Variants in ASTN2 observed in about 807,000 individuals in gnomAD.
ASTN2 encodes astrotactin 2.
A neutral mutation model predicts 139.8 loss-of-function variants in ASTN2; 54 were observed. The ratio of observed to expected loss-of-function variants is 0.39; its 90% CI spans 0.31 to 0.48. The LOEUF (loss-of-function observed/expected upper bound fraction) is 0.48, where lower values mean the gene tolerates loss of function less well. ASTN2 is among the 20% of genes least tolerant of loss of function. The pLI, the probability that ASTN2 is intolerant of heterozygous loss-of-function variation, is 0.95. For synonymous variants in ASTN2, 756 were observed against 719.5 expected (o/e 1.05, Z -0.81); for missense variants, 1,565 against 1,725.1 (o/e 0.91, Z 1.64).
intron 5 of ASTN2, 30 bp downstream of exon 5, chr9:117,096,014 G>C: frequency 6.3e-7 from 1 of 1,590,716 alleles, no homozygotes; most frequent in Non-Finnish European, 8.6e-7. Context: ...TACAAACTCT[G>C]GTTCTGGAAC....
At chr9:116,616,270 G>C (rs578092215) in intron 19 of ASTN2, among the ~76,000 whole-genome samples, 10 of 152,218 alleles carry the variant, frequency 6.6e-5, no homozygotes, top group African/African-American at 9.6e-5. Context: ...TTCCAATGCT[G>C]AAATTTTTCT....
At position 116,423,437 on chromosome 9, in the gene ASTN2, C is replaced by T. The variant is rs554658360; in HGVS notation, c.*2414G>A. Reference sequence around the variant, plus strand: ...AAACTTAATCAGGCTCAGATCACCACACCAGCACATTGAGTGCTGTAATTT... The same window carrying T: ...AAACTTAATCAGGCTCAGATCACCATACCAGCACATTGAGTGCTGTAATTT... On this transcript the variant is annotated 3_prime_UTR_variant, in exon 23 of 23. Transcript: ENST00000313400. 6.6e-6 allele frequency among the ~76,000 whole-genome samples: 1 copy of T among 152,268 alleles called. No homozygotes were observed. The highest frequency in any genetic ancestry group is 1.9e-4 in the East Asian group (1 of 5,166).
At chr9:116,544,358 A>G (rs1228293071) in intron 19 of ASTN2, among the ~76,000 whole-genome samples, 1 of 152,086 alleles carries the variant, frequency 6.6e-6, no homozygotes, top group Non-Finnish European at 1.5e-5. Context: ...CCTCCATTCC[A>G]CCTCACCAAA....
chr9:116,442,689 G>A lies in ASTN2; in HGVS notation c.3498-136C>T. ...TTAAAAAAAGAATGATACTTATAAA[G>A]CATTTATTGAGCACTAACTGCCTAC... is the stretch of plus-strand genomic sequence containing the variant. On this transcript the variant is annotated intron_variant, in intron 20 of 22. Transcript: ENST00000313400. 4 of 718,098 alleles carry A rather than the reference G, an allele frequency of 5.6e-6. No homozygotes were observed. The East Asian group carries it at 8.1e-5, about 15-fold the overall frequency. 44.5% of individuals were successfully genotyped at this position (718,098 alleles called of 1,614,324 possible).
intron 11 of ASTN2, among the ~76,000 whole-genome samples, chr9:116,862,342 C>T (rs1564310753): frequency 6.6e-6 from 1 of 152,070 alleles, no homozygotes; most frequent in East Asian, 1.9e-4. Flanking sequence ...TGAGCCGAAT[C>T]AACAGATTCC....
intron 7 of ASTN2, among the ~76,000 whole-genome samples, chr9:117,000,708 C>T (rs1837169828): frequency 6.6e-6 from 1 of 152,134 alleles, no homozygotes; most frequent in African/African-American, 2.4e-5. Flanking sequence ...TTCAAGCCTC[C>T]ACTAGCCACT....
intron 1 of ASTN2, among the ~76,000 whole-genome samples, chr9:117,336,671 C>T (rs778061467): frequency 6.6e-6 from 1 of 152,218 alleles, no homozygotes; most frequent in Non-Finnish European, 1.5e-5. Context: ...TTTTCTGCCA[C>T]ATTCCTGACC....
chr9:117,352,898 A>G (rs1564161456), intron 1 of ASTN2, among the ~76,000 whole-genome samples: 1 of 152,210 alleles, frequency 6.6e-6, no homozygotes, highest in Non-Finnish European at 1.5e-5. Flanking sequence ...AGGCTAAGTG[A>G]TAGAAGCCAG....
chr9:117,391,541 A>G (rs543381689), intron 1 of ASTN2, among the ~76,000 whole-genome samples: 62 of 152,264 alleles, frequency 4.1e-4, no homozygotes, highest in Non-Finnish European at 7.9e-4. Context: ...CCATGATTCA[A>G]TCATCTCCTA....
chr9:117,295,091 G>A (rs1428998883), intron 1 of ASTN2, among the ~76,000 whole-genome samples: 1 of 152,142 alleles, frequency 6.6e-6, no homozygotes, highest in Non-Finnish European at 1.5e-5. Flanking sequence ...AGAGGCCGAG[G>A]CAGGCGGATC....
At chr9:116,484,826 G>A (rs545239151) in intron 20 of ASTN2, among the ~76,000 whole-genome samples, 2 of 152,300 alleles carry the variant, frequency 1.3e-5, no homozygotes, top group South Asian at 2.1e-4. Flanking sequence ...AAAAGAAGGG[G>A]CAAAGGAAAG....
chr9:117,346,200 C>T (rs1209000947), intron 1 of ASTN2, among the ~76,000 whole-genome samples: 1 of 152,026 alleles, frequency 6.6e-6, no homozygotes, highest in Non-Finnish European at 1.5e-5. Flanking sequence ...GTTATTCCAT[C>T]AAGGTTTTAG....
At chr9:116,971,524 C>T (rs1386795103) in intron 10 of ASTN2, among the ~76,000 whole-genome samples, 1 of 152,142 alleles carries the variant, frequency 6.6e-6, no homozygotes, top group Non-Finnish European at 1.5e-5. Flanking sequence ...ATTCTGTAAC[C>T]ATGTCCATGT....
intron 13 of ASTN2, among the ~76,000 whole-genome samples, chr9:116,785,426 T>A (rs1830344271): frequency 6.6e-6 from 1 of 152,200 alleles, no homozygotes; most frequent in Admixed American, 6.5e-5. Flanking sequence ...TAAGAATATA[T>A]ATTAGACATG....
intron 3 of ASTN2, among the ~76,000 whole-genome samples, chr9:117,192,195 A>C (rs1266206293): frequency 6.6e-6 from 1 of 152,126 alleles, no homozygotes; most frequent in African/African-American, 2.4e-5. Context: ...TGCTTTGCAG[A>C]GCCTAGGCAT....
chr9:116,690,421 A>T (rs1351854800), intron 16 of ASTN2, among the ~76,000 whole-genome samples: 7 of 152,194 alleles, frequency 4.6e-5, no homozygotes, highest in South Asian at 2.1e-4. Context: ...GTTTTATTAG[A>T]AGCCTTTTCC....
At chr9:116,973,980 G>A (rs912662159) in intron 10 of ASTN2, among the ~76,000 whole-genome samples, 2 of 152,152 alleles carry the variant, frequency 1.3e-5, no homozygotes, top group Admixed American at 1.3e-4. Flanking sequence ...GGAGCTTTCT[G>A]TCAAGATGCC....
intron 2 of ASTN2, among the ~76,000 whole-genome samples, chr9:117,261,821 T>C (rs1385265335): frequency 2.0e-5 from 3 of 152,160 alleles, no homozygotes; most frequent in African/African-American, 7.2e-5. Context: ...AGCAGTCTCA[T>C]ACCTTTTGCT....
chr9:117,158,621 C>T (rs541315571), intron 3 of ASTN2, among the ~76,000 whole-genome samples: 104 of 152,074 alleles, frequency 6.8e-4, no homozygotes, highest in African/African-American at 2.5e-3. Context: ...TCAGTGAGTG[C>T]ATGGCAGAAG....
Sources: gnomAD v4.1 joint callset for allele counts (sites outside exome capture counted in the v4.1 genomes callset) on GRCh38, gnomAD v4.1.1 for gene constraint, MANE v1.5 for transcripts, NCBI Gene and HGNC (gene_info 2026-07-23, HGNC 2026-07-21) for gene names.